The following PON2 variants were observed in gnomAD, a reference collection of about 807,000 sequenced individuals.
PON2 encodes the protein serum paraoxonase/arylesterase 2.
Under a neutral mutation model 36.6 loss-of-function variants are expected in PON2, and 27 were observed. The observed-to-expected ratio is 0.74, with a 90% CI of 0.54 to 1.02. The LOEUF (loss-of-function observed/expected upper bound fraction) is 1.02, where lower values mean the gene tolerates loss of function less well. Ranked by LOEUF, PON2 falls within the 50% of genes least tolerant of loss-of-function variation. The pLI, the probability that PON2 is intolerant of heterozygous loss-of-function variation, is 0.00. For missense variants in PON2, 363 were observed against 421.1 expected, an observed-to-expected ratio of 0.86 and a Z score of 1.21; for synonymous variants, 149 against 156.3, an observed-to-expected ratio of 0.95 and a Z score of 0.35.
intron 1 of PON2, among the ~76,000 whole-genome samples, chr7:95,432,940 G>A (rs1235590187): frequency 6.6e-6 from 1 of 152,102 alleles, no homozygotes; most frequent in Non-Finnish European, 1.5e-5. Context: ...CCAGAGTTTG[G>A]GTCCCTGTTA....
In PON2 at chr7:95,407,079, A is replaced by T. The variant is rs1809718131; in HGVS notation, c.696-11T>A. 1 of 1,558,866 alleles carries T rather than the reference A, an allele frequency of 6.4e-7. No homozygotes were observed. Among genetic ancestry groups the T allele is most frequent in the East Asian group, 2.2e-5 (1 of 44,496 alleles). ...GCAACATAGATATACCTTTGCAGAA[A>T]GGACACAGTGGTTAGAGCTCCATGC... On this transcript the variant is annotated splice_polypyrimidine_tract_variant and intron_variant, in intron 6 of 8. Transcript: ENST00000222572.
At chr7:95,417,726 C>T (rs1312128532) in intron 2 of PON2, among the ~76,000 whole-genome samples, 2 of 148,398 alleles carry the variant, frequency 1.3e-5, no homozygotes, top group East Asian at 3.9e-4. Context: ...CACACACACA[C>T]CGAGAGAGAA....
intron 1 of PON2, among the ~76,000 whole-genome samples, chr7:95,426,250 T>A (rs529018768): frequency 3.0e-5 from 4 of 132,476 alleles, no homozygotes; most frequent in Non-Finnish European, 6.7e-5. Context: ...AAAATAAAAT[T>A]GAAATTATAA....
At chr7:95,412,205 T>A in intron 4 of PON2, 107 bp downstream of exon 4, 1 of 1,411,256 alleles carries the variant, frequency 7.1e-7, no homozygotes, top group Non-Finnish European at 9.9e-7. Context: ...AAATCACTCA[T>A]GAGTTAATTG....
chr7:95,427,055 T>C (rs1326687548), intron 1 of PON2, among the ~76,000 whole-genome samples: 2 of 152,226 alleles, frequency 1.3e-5, no homozygotes, highest in Non-Finnish European at 2.9e-5. Flanking sequence ...TTGTATAATA[T>C]CATGTTTTCA....
intron 1 of PON2, among the ~76,000 whole-genome samples, chr7:95,432,777 A>G (rs1789472663): frequency 6.6e-6 from 1 of 152,218 alleles, no homozygotes; most frequent in Admixed American, 6.5e-5. Flanking sequence ...TCCTACCCAT[A>G]AGCGTTCTTT....
intron 3 of PON2, among the ~76,000 whole-genome samples, chr7:95,413,746 GCA>G (rs1165156947): frequency 6.6e-6 from 1 of 151,958 alleles, no homozygotes; most frequent in Non-Finnish European, 1.5e-5. Flanking sequence ...ACAAATTTAG[GCA>G]CACAATAAAA....
chr7:95,424,447 TTAA>T lies in PON2; in HGVS notation c.145+65_145+67del, dbSNP rs574969231. On this transcript the variant is annotated intron_variant, in intron 2 of 8. Coordinates refer to ENST00000222572, the MANE Select transcript of PON2 (RefSeq NM_000305.3). The stretch of plus-strand genomic sequence containing the variant: ...GCAGTAATTTCATGCTAAAATGCCA[TTAA>T]TGAGTGTTTTAATGTTAATGGCCAA... 3.4e-4 allele frequency: 423 copies of T among 1,259,958 alleles called. 4 individuals carry two copies. In the South Asian group the frequency reaches 4.9e-3, roughly 15 times the overall value. 78.0% of individuals were successfully genotyped at this position (1,259,958 alleles called of 1,614,324 possible).
chr7:95,410,051 T>A lies in PON2; in HGVS notation c.545A>T (p.Asp182Val). The A allele has an allele frequency of 2.5e-6, 4 of 1,613,838 alleles. No homozygotes were observed. Among genetic ancestry groups the A allele is most frequent in the Non-Finnish European group, 3.4e-6 (4 of 1,179,860 alleles). The change falls in exon 6 of 9, where the codon GAC becomes GTC. Residue 182 changes from aspartate to valine, a missense_variant. Transcript: ENST00000222572. The part of the protein sequence containing the change: ...VGPAHFYATN[D>V]HYFSDPFLKY... ...TAAGAAAGGATCAGAGAAGTAGTGG[T>A]CATTTGTGGCATAGAAATGTGCCGG...
intron 2 of PON2, among the ~76,000 whole-genome samples, chr7:95,421,751 C>T (rs1033057176): frequency 6.6e-6 from 1 of 151,972 alleles, no homozygotes; most frequent in Non-Finnish European, 1.5e-5. Flanking sequence ...AGAAAGAACA[C>T]ATAGGAAACA....
intron 3 of PON2, among the ~76,000 whole-genome samples, chr7:95,414,164 G>A (rs1459741393): frequency 1.3e-5 from 2 of 151,964 alleles, no homozygotes; most frequent in African/African-American, 4.8e-5. Context: ...TTTATTCTAT[G>A]TCATCCAATT....
At chr7:95,422,376 TGAA>T in intron 2 of PON2, among the ~76,000 whole-genome samples, 1 of 152,322 alleles carries the variant, frequency 6.6e-6, no homozygotes, top group Non-Finnish European at 1.5e-5. Flanking sequence ...TTGGGGGTGA[TGAA>T]GAGTTTGATG....
At chr7:95,433,620 A>G (rs916942176) in intron 1 of PON2, among the ~76,000 whole-genome samples, 1 of 152,156 alleles carries the variant, frequency 6.6e-6, no homozygotes, top group African/African-American at 2.4e-5. Context: ...CCATTTTTCA[A>G]CTTATATTTA....
chr7:95,422,504 C>T (rs936226426), intron 2 of PON2, among the ~76,000 whole-genome samples: 2 of 152,106 alleles, frequency 1.3e-5, no homozygotes, highest in Non-Finnish European at 2.9e-5. Context: ...GAAAAGGTAA[C>T]ATTATGTACA....
At chr7:95,406,368 T>C in intron 7 of PON2, 121 bp from the exon 8 acceptor site, 6 of 1,069,138 alleles carry the variant, frequency 5.6e-6, no homozygotes, top group Non-Finnish European at 8.4e-6. Context: ...TTCCACCTTC[T>C]AACACCAATA....
In PON2 at chr7:95,423,516, A is replaced by G. The variant is rs113508949; in HGVS notation, c.145+999T>C. 4.9e-3 allele frequency among the ~76,000 whole-genome samples: 744 copies of G among 152,168 alleles called. 7 individuals carry two copies. Among genetic ancestry groups the G allele is most frequent in the African/African-American group, 0.017 (697 of 41,506 alleles). On this transcript the variant is annotated intron_variant, in intron 2 of 8. Coordinates refer to ENST00000222572, the MANE Select transcript of PON2 (RefSeq NM_000305.3). Reference sequence around the variant, plus strand: ...ACACCAGAGAGACCCTCAGTGCTGGAGAAGAATCTGGACAGATCCCTCCTT... The same window carrying G: ...ACACCAGAGAGACCCTCAGTGCTGGGGAAGAATCTGGACAGATCCCTCCTT...
At chr7:95,417,618 TAATA>T (rs1299215195) in intron 2 of PON2, among the ~76,000 whole-genome samples, 3 of 140,862 alleles carry the variant, frequency 2.1e-5, no homozygotes, top group Non-Finnish European at 4.6e-5. Context: ...TGTCCACTGG[TAATA>T]AGTTAAGAAT....
intron 1 of PON2, among the ~76,000 whole-genome samples, chr7:95,426,014 T>C (rs1320440007): frequency 6.6e-6 from 1 of 152,096 alleles, no homozygotes; most frequent in Non-Finnish European, 1.5e-5. Flanking sequence ...AACCAAATAC[T>C]GCATGTTCTC....
At chr7:95,411,867 G>A in intron 4 of PON2, 88 bp from the exon 5 acceptor site, 3 of 1,407,590 alleles carry the variant, frequency 2.1e-6, no homozygotes, top group Non-Finnish European at 3.0e-6. Flanking sequence ...CACAGGCAAG[G>A]AAAGGTTGAA....
Sources: gnomAD v4.1 joint callset for allele counts (sites outside exome capture counted in the v4.1 genomes callset) on GRCh38, gnomAD v4.1.1 for gene constraint, MANE v1.5 for transcripts, NCBI Gene and HGNC (gene_info 2026-07-23, HGNC 2026-07-21) for gene names.